The following TBC1D5 variants were observed in gnomAD, a reference collection of about 807,000 sequenced individuals.
The protein encoded by TBC1D5 is TBC1 domain family, member 5.
TBC1D5 carries 75 observed loss-of-function variants against 100.3 expected under a neutral mutation model. That is an observed-to-expected ratio of 0.75 (90% CI 0.62 to 0.91). TBC1D5 has a LOEUF of 0.91. Ranked by LOEUF, TBC1D5 falls within the 40% of genes least tolerant of loss-of-function variation. TBC1D5 has a pLI of 0.00. For synonymous variants in TBC1D5, 323 were observed against 325.6 expected, an observed-to-expected ratio of 0.99 and a Z score of 0.09; for missense variants, 910 against 942.4, an observed-to-expected ratio of 0.97 and a Z score of 0.45.
intron 18 of TBC1D5, among the ~76,000 whole-genome samples, chr3:17,213,734 A>G (rs1195210980): frequency 2.2e-5 from 1 of 44,762 alleles, no homozygotes; most frequent in East Asian, 2.5e-4. Flanking sequence ...ACTCTGTCTC[A>G]AAAAAAAAAA....
chr3:17,164,605 A>T (rs1049252122), intron 21 of TBC1D5, among the ~76,000 whole-genome samples: 3 of 152,322 alleles, frequency 2.0e-5, no homozygotes, highest in Admixed American at 2.0e-4. Flanking sequence ...TCCTGGGGGT[A>T]GCCTGTCCAC....
At chr3:17,253,645 C>T (rs543423432) in intron 16 of TBC1D5, among the ~76,000 whole-genome samples, 1 of 152,272 alleles carries the variant, frequency 6.6e-6, no homozygotes, top group African/African-American at 2.4e-5. Context: ...GAGTCAATTC[C>T]AAACCCTTAT....
intron 21 of TBC1D5, among the ~76,000 whole-genome samples, chr3:17,164,173 T>C (rs1029140693): frequency 1.3e-5 from 2 of 152,174 alleles, no homozygotes; most frequent in African/African-American, 2.4e-5. Flanking sequence ...ATGAGCCATG[T>C]CACATCAACC....
At chr3:17,342,399 C>A (rs2089130499) in intron 13 of TBC1D5, among the ~76,000 whole-genome samples, 2 of 152,174 alleles carry the variant, frequency 1.3e-5, no homozygotes. Flanking sequence ...CTACACATGC[C>A]TCTTATTTCA....
At chr3:17,405,540 T>C (rs2093748780) in intron 5 of TBC1D5, among the ~76,000 whole-genome samples, 1 of 152,044 alleles carries the variant, frequency 6.6e-6, no homozygotes, top group South Asian at 2.1e-4. Flanking sequence ...TTAAAATAAA[T>C]TTGGATTTAG....
intron 13 of TBC1D5, among the ~76,000 whole-genome samples, chr3:17,354,937 T>C (rs1403016942): frequency 6.6e-6 from 1 of 152,066 alleles, no homozygotes. Flanking sequence ...TAGAAATTTG[T>C]TGTTGTCTGC....
At chr3:17,470,144 T>C (rs141460403) in intron 3 of TBC1D5, among the ~76,000 whole-genome samples, 1 of 152,246 alleles carries the variant, frequency 6.6e-6, no homozygotes, top group Non-Finnish European at 1.5e-5. Context: ...TTTTTGCTAC[T>C]TGCATATTCC....
At chr3:17,481,064 A>C (rs1463128572) in intron 3 of TBC1D5, among the ~76,000 whole-genome samples, 1 of 151,994 alleles carries the variant, frequency 6.6e-6, no homozygotes, top group Non-Finnish European at 1.5e-5. Context: ...GGTTGTGACA[A>C]CCTCTTTGGG....
intron 15 of TBC1D5, among the ~76,000 whole-genome samples, chr3:17,262,617 G>A (rs2149495957): frequency 6.6e-6 from 1 of 151,400 alleles, no homozygotes; most frequent in African/African-American, 2.4e-5. Flanking sequence ...GAGTAGCTGG[G>A]ACTACAAGCG....
At chr3:17,447,583 T>C (rs1171655956) in intron 3 of TBC1D5, among the ~76,000 whole-genome samples, 1 of 152,252 alleles carries the variant, frequency 6.6e-6, no homozygotes, top group Non-Finnish European at 1.5e-5. Flanking sequence ...ATTTTCTTTA[T>C]GGAATGAGCA....
At chr3:17,538,436 A>G (rs2153413341) in intron 2 of TBC1D5, among the ~76,000 whole-genome samples, 3 of 152,252 alleles carry the variant, frequency 2.0e-5, no homozygotes, top group Middle Eastern at 6.8e-3. Context: ...CAAGAACCAT[A>G]GCAATGTATA....
intron 8 of TBC1D5, among the ~76,000 whole-genome samples, chr3:17,386,608 T>G (rs973839693): frequency 1.3e-5 from 2 of 152,106 alleles, no homozygotes; most frequent in Non-Finnish European, 2.9e-5. Flanking sequence ...CAACCCATGT[T>G]CAAATAAGGC....
intron 1 of TBC1D5, among the ~76,000 whole-genome samples, chr3:17,632,965 C>T (rs574342854): frequency 6.6e-6 from 1 of 152,064 alleles, no homozygotes; most frequent in South Asian, 2.1e-4. Context: ...ACCCTTTTTC[C>T]CCAACAATTA....
At chr3:17,224,008 G>T in intron 17 of TBC1D5, among the ~76,000 whole-genome samples, 1 of 152,084 alleles carries the variant, frequency 6.6e-6, no homozygotes, top group East Asian at 1.9e-4. Context: ...ATGACTCCAA[G>T]GAATTATTAT....
At chr3:17,645,694 A>C (rs550290775) in intron 1 of TBC1D5, among the ~76,000 whole-genome samples, 1 of 152,204 alleles carries the variant, frequency 6.6e-6, no homozygotes, top group East Asian at 1.9e-4. Context: ...TCTAGGTACA[A>C]ATCTCTTTCT....
At chr3:17,357,481 C>T (rs939078143) in intron 13 of TBC1D5, among the ~76,000 whole-genome samples, 7 of 152,132 alleles carry the variant, frequency 4.6e-5, no homozygotes, top group Admixed American at 4.6e-4. Flanking sequence ...TAAATACCAA[C>T]CGGCAGAGGC....
Position 17,737,822 on chromosome 3 carries a change from T to C in TBC1D5, c.-101+1521A>G, listed in dbSNP as rs574065313. ...TTTCAAAACTTTTAAGACTATTTTG[T>C]TTCAAAAAAAAAAAAACCCAGTTAA... On this transcript the variant is annotated intron_variant, in intron 1 of 21. Coordinates refer to ENST00000253692, the Ensembl canonical transcript of TBC1D5. 8.2e-5 allele frequency among the ~76,000 whole-genome samples: 9 copies of C among 110,288 alleles called. No homozygotes were observed. In the South Asian group the frequency reaches 3.1e-3, roughly 39 times the overall value. The allele number at this position is 110,288 out of a possible 152,430, so 72.4% of individuals were successfully genotyped here.
At chr3:17,486,199 T>C (rs1056901180) in intron 3 of TBC1D5, among the ~76,000 whole-genome samples, 1 of 152,154 alleles carries the variant, frequency 6.6e-6, no homozygotes, top group Non-Finnish European at 1.5e-5. Context: ...GTTTTTTTCT[T>C]GTAAATTTGT....
At chr3:17,262,785 A>G (rs1575023108) in intron 15 of TBC1D5, among the ~76,000 whole-genome samples, 1 of 151,914 alleles carries the variant, frequency 6.6e-6, no homozygotes, top group African/African-American at 2.4e-5. Context: ...CCGGCCGACA[A>G]TGTATTTTTT....
Sources: allele counts gnomAD v4.1 joint callset (sites outside exome capture counted in the v4.1 genomes callset), GRCh38; gene constraint gnomAD v4.1.1; transcripts MANE v1.5; gene names NCBI Gene and HGNC (gene_info 2026-07-23, HGNC 2026-07-21).